Variants in LDB2 observed in about 807,000 individuals in gnomAD.
LDB2 encodes LIM domain-binding protein 2.
In LDB2, 12 loss-of-function variants were observed where a neutral mutation model predicts 44.3. That is an observed-to-expected ratio of 0.27 (90% CI 0.17 to 0.44). LDB2 has a LOEUF of 0.44. LDB2 is among the 20% of genes least tolerant of loss of function. The pLI, the probability that LDB2 is intolerant of heterozygous loss-of-function variation, is 1.00. For missense variants in LDB2, 344 were observed against 473.5 expected (o/e 0.73, Z 2.54); for synonymous variants, 164 against 174.8 (o/e 0.94, Z 0.49).
intron 2 of LDB2, among the ~76,000 whole-genome samples, chr4:16,614,796 C>T (rs908932849): frequency 2.6e-5 from 4 of 151,854 alleles, no homozygotes; most frequent in East Asian, 1.9e-4. Context: ...AACGGCCGGG[C>T]GCGGTGGCTC....
Position 16,617,364 on chromosome 4 carries a change from G to A in LDB2, c.236-21489C>T, listed in dbSNP as rs180902585. On this transcript the variant is annotated intron_variant, in intron 2 of 7. Transcript: ENST00000304523. ...AACATAAAATTCAAATGACAGCCCA[G>A]CCCAAGGAGATAAACTCGAGGCAGA... Among the ~76,000 whole-genome samples the A allele has an allele frequency of 2.0e-3, 302 of 152,214 alleles. 3 individuals carry two copies. Among genetic ancestry groups the A allele is most frequent in the Non-Finnish European group, 2.0e-3 (136 of 68,016 alleles).
chr4:16,623,832 C>G lies in LDB2; in HGVS notation c.236-27957G>C, dbSNP rs567223912. ...AGAGCTTAACAGTCCCTTAACTCTA[C>G]TGCTACCATATTTTCCATTATTCAT... On this transcript the variant is annotated intron_variant, in intron 2 of 7. Transcript: ENST00000304523. Among the ~76,000 whole-genome samples, 6 of 152,180 alleles carry G rather than the reference C, an allele frequency of 3.9e-5. No individual in the cohort carries two copies. In the South Asian group the frequency reaches 8.3e-4, roughly 21 times the overall value.
intron 5 of LDB2, among the ~76,000 whole-genome samples, chr4:16,577,855 A>G (rs908748908): frequency 2.0e-5 from 3 of 152,212 alleles, no homozygotes; most frequent in Non-Finnish European, 4.4e-5. Context: ...TGGTACTGTC[A>G]TAAAAACAGA....
At chr4:16,866,375 T>G (rs1714709256) in intron 1 of LDB2, among the ~76,000 whole-genome samples, 1 of 152,262 alleles carries the variant, frequency 6.6e-6, no homozygotes, top group Admixed American at 6.5e-5. Context: ...TACTTTATGT[T>G]ACTTTATTAA....
At chr4:16,587,164 T>C (rs1038352526) in intron 4 of LDB2, among the ~76,000 whole-genome samples, 3 of 152,138 alleles carry the variant, frequency 2.0e-5, no homozygotes, top group African/African-American at 7.2e-5. Flanking sequence ...ACAGGAAAGA[T>C]AATAATAAAG....
At chr4:16,594,722 T>A (rs1432048737) in intron 3 of LDB2, among the ~76,000 whole-genome samples, 1 of 152,228 alleles carries the variant, frequency 6.6e-6, no homozygotes, top group African/African-American at 2.4e-5. Context: ...TTCAGTTTTA[T>A]ACATTGGGCT....
chr4:16,753,031 TGGACACCA>T (rs1765785508), intron 2 of LDB2, among the ~76,000 whole-genome samples: 1 of 152,210 alleles, frequency 6.6e-6, no homozygotes, highest in Non-Finnish European at 1.5e-5. Context: ...AGGTTTCAGG[TGGACACCA>T]CAAAGGCATT....
intron 1 of LDB2, among the ~76,000 whole-genome samples, chr4:16,863,911 C>A (rs1023558873): frequency 2.0e-5 from 3 of 152,126 alleles, no homozygotes; most frequent in Non-Finnish European, 4.4e-5. Flanking sequence ...CCGCCCGCCT[C>A]GGCTTCCCGA....
intron 5 of LDB2, among the ~76,000 whole-genome samples, chr4:16,563,188 C>T (rs1743065337): frequency 6.6e-6 from 1 of 151,390 alleles, no homozygotes; most frequent in African/African-American, 2.4e-5. Context: ...GCACATTGTG[C>T]ACATGTACCC....
chr4:16,834,938 C>CT (rs1210016868), intron 1 of LDB2, among the ~76,000 whole-genome samples: 2 of 151,932 alleles, frequency 1.3e-5, no homozygotes, highest in Non-Finnish European at 2.9e-5. Context: ...ATTGGTTGAA[C>CT]AACAGATGAA....
At position 16,673,288 on chromosome 4, in the gene LDB2, G is replaced by C. The variant is rs185107747; in HGVS notation, c.236-77413C>G. Among the ~76,000 whole-genome samples the C allele has an allele frequency of 3.9e-5, 6 of 152,312 alleles. No individual in the cohort carries two copies. In the East Asian group the frequency reaches 1.2e-3, roughly 29 times the overall value. Reference sequence around the variant, plus strand: ...GGGTTTCCAGGTCTCCAGATTATCAGTATGCACACACTAAACTGAGACTAT... The same window carrying C: ...GGGTTTCCAGGTCTCCAGATTATCACTATGCACACACTAAACTGAGACTAT... On this transcript the variant is annotated intron_variant, in intron 2 of 7. Coordinates refer to ENST00000304523, the MANE Select transcript of LDB2 (RefSeq NM_001290.5).
intron 1 of LDB2, among the ~76,000 whole-genome samples, chr4:16,859,797 T>G (rs559088346): frequency 6.6e-6 from 1 of 152,216 alleles, no homozygotes; most frequent in Non-Finnish European, 1.5e-5. Context: ...ATCTGCTATG[T>G]GCCAGACACA....
At chr4:16,646,442 G>A (rs1270840744) in intron 2 of LDB2, among the ~76,000 whole-genome samples, 1 of 152,184 alleles carries the variant, frequency 6.6e-6, no homozygotes, top group African/African-American at 2.4e-5. Flanking sequence ...CAGAAAAACA[G>A]GTAGAGCAAA....
chr4:16,760,407 G>A (rs966075794), intron 1 of LDB2, among the ~76,000 whole-genome samples: 5 of 152,068 alleles, frequency 3.3e-5, no homozygotes, highest in African/African-American at 1.2e-4. Context: ...GATTGATGCC[G>A]TCCTCTCCTT....
chr4:16,850,403 A>G (rs1787971349), intron 1 of LDB2, among the ~76,000 whole-genome samples: 1 of 152,206 alleles, frequency 6.6e-6, no homozygotes, highest in African/African-American at 2.4e-5. Flanking sequence ...TCTACATTAT[A>G]GAAATATTGA....
intron 1 of LDB2, among the ~76,000 whole-genome samples, chr4:16,865,327 C>G (rs1239579142): frequency 6.6e-6 from 1 of 152,184 alleles, no homozygotes; most frequent in Non-Finnish European, 1.5e-5. Context: ...CTCCAGTGAC[C>G]AGTATTCAGA....
chr4:16,821,475 C>T (rs1342907533), intron 1 of LDB2, among the ~76,000 whole-genome samples: 1 of 150,906 alleles, frequency 6.6e-6, no homozygotes, highest in Non-Finnish European at 1.5e-5. Flanking sequence ...GCTCCACCTC[C>T]CGGGTTCACG....
chr4:16,553,098 A>G (rs1738238754), intron 5 of LDB2, among the ~76,000 whole-genome samples: 1 of 152,250 alleles, frequency 6.6e-6, no homozygotes, highest in Non-Finnish European at 1.5e-5. Context: ...CTAGGTAGGC[A>G]AAGAAGGATT....
chr4:16,610,974 G>A (rs879737274), intron 2 of LDB2, among the ~76,000 whole-genome samples: 1 of 152,270 alleles, frequency 6.6e-6, no homozygotes, highest in Non-Finnish European at 1.5e-5. Flanking sequence ...AGAAAGGCCA[G>A]GTCACCTACA....
Sources: gnomAD v4.1 joint callset for allele counts (sites outside exome capture counted in the v4.1 genomes callset) on GRCh38, gnomAD v4.1.1 for gene constraint, MANE v1.5 for transcripts, NCBI Gene and HGNC (gene_info 2026-07-23, HGNC 2026-07-21) for gene names.